ADGRL3: variants seen among roughly 807,000 people sequenced by gnomAD.
ADGRL3 encodes the protein adhesion G protein-coupled receptor L3, also known as calcium-independent alpha-latrotoxin receptor 3.
In ADGRL3, 62 loss-of-function variants were observed where a neutral mutation model predicts 153.5. The observed-to-expected ratio is 0.40, with a 90% CI of 0.33 to 0.50. The LOEUF (loss-of-function observed/expected upper bound fraction) is 0.50, where lower values mean the gene tolerates loss of function less well. Among genes scored for constraint, ADGRL3 ranks in the 20% least tolerant of loss-of-function variants. The probability of loss-of-function intolerance (pLI) is 0.47; values close to 1 mark genes in which losing one functional copy is unlikely to be tolerated. For missense variants in ADGRL3, 1,641 were observed against 1,859.4 expected (o/e 0.88, Z 2.16); for synonymous variants, 710 against 672.5 (o/e 1.06, Z -0.86).
At chr4:61,561,468 G>T (rs1201214551) in intron 4 of ADGRL3, among the ~76,000 whole-genome samples, 1 of 152,030 alleles carries the variant, frequency 6.6e-6, no homozygotes, top group Non-Finnish European at 1.5e-5. Context: ...AAGCTTCCAG[G>T]AAGAAAAATA....
chr4:61,874,490 A>G (rs1280221321), intron 9 of ADGRL3, among the ~76,000 whole-genome samples: 2 of 152,060 alleles, frequency 1.3e-5, no homozygotes, highest in Non-Finnish European at 2.9e-5. Context: ...CTCCACCCAC[A>G]TTCAAGGGGT....
chr4:61,295,805 A>T (rs78858586), intron 1 of ADGRL3, among the ~76,000 whole-genome samples: 3 of 75,800 alleles, frequency 4.0e-5, no homozygotes, highest in African/African-American at 7.8e-5. Context: ...ACACAGATTT[A>T]AAAAAAAAAA....
chr4:61,434,101 A>G (rs1316296176), intron 2 of ADGRL3, among the ~76,000 whole-genome samples: 1 of 152,100 alleles, frequency 6.6e-6, no homozygotes, highest in Non-Finnish European at 1.5e-5. Context: ...AAGGGTAGCA[A>G]TTAGTTCTGT....
At chr4:61,511,470 T>C (rs2152874152) in intron 3 of ADGRL3, among the ~76,000 whole-genome samples, 1 of 152,332 alleles carries the variant, frequency 6.6e-6, no homozygotes, top group African/African-American at 2.4e-5. Context: ...TCTCCTGCCT[T>C]TAGGGTTTTC....
intron 5 of ADGRL3, among the ~76,000 whole-genome samples, chr4:61,630,028 C>A (rs2093063824): frequency 6.6e-6 from 1 of 152,066 alleles, no homozygotes; most frequent in East Asian, 1.9e-4. Context: ...TATGACAGAT[C>A]TCTTCATCTA....
intron 17 of ADGRL3, among the ~76,000 whole-genome samples, chr4:61,960,018 G>C (rs2098981922): frequency 6.6e-6 from 1 of 152,054 alleles, no homozygotes; most frequent in East Asian, 1.9e-4. Flanking sequence ...TGCATGTTGA[G>C]TACCTCAAAA....
chr4:61,365,000 A>G (rs977933624), intron 1 of ADGRL3, among the ~76,000 whole-genome samples: 1 of 152,220 alleles, frequency 6.6e-6, no homozygotes, highest in East Asian at 1.9e-4. Context: ...TAGAGGGATC[A>G]TTAAATACTA....
intron 8 of ADGRL3, among the ~76,000 whole-genome samples, chr4:61,756,630 G>A (rs2152115008): frequency 6.6e-6 from 1 of 152,164 alleles, no homozygotes; most frequent in South Asian, 2.1e-4. Flanking sequence ...TTGCCTGATT[G>A]CCCTGGCCAG....
At chr4:61,526,200 G>A (rs965042226) in intron 4 of ADGRL3, among the ~76,000 whole-genome samples, 2 of 152,056 alleles carry the variant, frequency 1.3e-5, no homozygotes, top group African/African-American at 4.8e-5. Context: ...GATGTAATAG[G>A]GTGATCACCG....
intron 8 of ADGRL3, among the ~76,000 whole-genome samples, chr4:61,800,361 A>G (rs7698778): frequency 0.078 from 11,827 of 152,244 alleles, 886 homozygotes; most frequent in African/African-American, 0.2. Context: ...AAATTCAGGA[A>G]GAATGACTGC....
chr4:61,686,236 C>A, intron 6 of ADGRL3, among the ~76,000 whole-genome samples: 1 of 151,624 alleles, frequency 6.6e-6, no homozygotes, highest in Non-Finnish European at 1.5e-5. Flanking sequence ...AAAAATATAC[C>A]GCATACAAGA....
At chr4:61,374,854 G>A (rs1487448153) in intron 1 of ADGRL3, among the ~76,000 whole-genome samples, 1 of 151,864 alleles carries the variant, frequency 6.6e-6, no homozygotes, top group Non-Finnish European at 1.5e-5. Flanking sequence ...TTAAACTTTA[G>A]TTAGAATACA....
chr4:62,059,310 T>C (rs1399928568), intron 25 of ADGRL3, among the ~76,000 whole-genome samples: 1 of 152,188 alleles, frequency 6.6e-6, no homozygotes, highest in Non-Finnish European at 1.5e-5. Flanking sequence ...CTGTGTTTTA[T>C]ACACTTTGCA....
At chr4:61,755,567 G>A (rs1168528943) in intron 8 of ADGRL3, among the ~76,000 whole-genome samples, 2 of 152,074 alleles carry the variant, frequency 1.3e-5, no homozygotes, top group African/African-American at 4.8e-5. Context: ...CGTTCTGTAG[G>A]TTGCCTGTTC....
chr4:61,270,890 A>G (rs1287572360), intron 1 of ADGRL3, among the ~76,000 whole-genome samples: 1 of 151,744 alleles, frequency 6.6e-6, no homozygotes, highest in Non-Finnish European at 1.5e-5. Context: ...GAAAAGGGTA[A>G]TATTCATATG....
intron 1 of ADGRL3, among the ~76,000 whole-genome samples, chr4:61,255,172 C>T (rs970987851): frequency 7.2e-5 from 11 of 152,052 alleles, no homozygotes; most frequent in South Asian, 6.2e-4. Context: ...GTTGATATCC[C>T]GTTGTTCTTG....
intron 5 of ADGRL3, among the ~76,000 whole-genome samples, chr4:61,634,325 C>A (rs561363118): frequency 1.9e-4 from 29 of 152,076 alleles, no homozygotes; most frequent in Non-Finnish European, 3.7e-4. Context: ...TACTTAACAG[C>A]TCCATACAAA....
chr4:61,463,411 A>C (rs1176376866), intron 2 of ADGRL3, among the ~76,000 whole-genome samples: 1 of 152,142 alleles, frequency 6.6e-6, no homozygotes, highest in Non-Finnish European at 1.5e-5. Flanking sequence ...CAGCAGAGAC[A>C]AAGTGAAGGG....
At chr4:61,548,396 G>T (rs2098724131) in intron 4 of ADGRL3, among the ~76,000 whole-genome samples, 4 of 152,028 alleles carry the variant, frequency 2.6e-5, no homozygotes, top group Non-Finnish European at 5.9e-5. Flanking sequence ...TTATCTTCAA[G>T]AGTTTTTATA....
Sources: allele counts gnomAD v4.1 joint callset (sites outside exome capture counted in the v4.1 genomes callset), GRCh38; gene constraint gnomAD v4.1.1; transcripts MANE v1.5; gene names NCBI Gene and HGNC (gene_info 2026-07-23, HGNC 2026-07-21).